Variants in NT5DC1 observed in about 807,000 individuals in gnomAD.
The protein encoded by NT5DC1 is 5'-nucleotidase domain-containing protein 1.
NT5DC1 carries 42 observed loss-of-function variants against 59.4 expected under a neutral mutation model. That is an observed-to-expected ratio of 0.71 (90% CI 0.55 to 0.92). NT5DC1 has a LOEUF of 0.92. Among genes scored for constraint, NT5DC1 ranks in the 40% least tolerant of loss-of-function variants. The probability of loss-of-function intolerance (pLI) is 0.00; values close to 1 mark genes in which losing one functional copy is unlikely to be tolerated. For missense variants in NT5DC1, 501 were observed against 537.1 expected, an observed-to-expected ratio of 0.93 and a Z score of 0.66; for synonymous variants, 172 against 188.1, an observed-to-expected ratio of 0.91 and a Z score of 0.70.
Position 116,196,446 on chromosome 6 carries a change from A to G in NT5DC1, c.530-24608A>G, listed in dbSNP as rs531709477. Among the ~76,000 whole-genome samples the G allele has an allele frequency of 7.2e-5, 11 of 152,186 alleles. No homozygotes were observed. The South Asian group carries it at 2.3e-3, about 32-fold the overall frequency. On this transcript the variant is annotated intron_variant, in intron 6 of 11. Coordinates refer to ENST00000319550, the MANE Select transcript of NT5DC1 (RefSeq NM_152729.3). Reference sequence around the variant, plus strand: ...TCTTTTCTAAATTTTTCCCCAAACTATAAATCAACCATTATTAGTGATTAG... The same window carrying G: ...TCTTTTCTAAATTTTTCCCCAAACTGTAAATCAACCATTATTAGTGATTAG...
intron 6 of NT5DC1, among the ~76,000 whole-genome samples, chr6:116,146,522 G>C (rs185686629): frequency 4.1e-4 from 63 of 152,212 alleles, no homozygotes; most frequent in African/African-American, 1.5e-3. Context: ...TGGAACTTTC[G>C]CCTTAACAAA....
At chr6:116,225,972 A>T (rs547194286) in intron 8 of NT5DC1, among the ~76,000 whole-genome samples, 56 of 152,314 alleles carry the variant, frequency 3.7e-4, no homozygotes, top group African/African-American at 1.3e-3. Context: ...AGCAGCCTAC[A>T]GCACACAGGA....
chr6:116,120,105 A>C, intron 6 of NT5DC1: 1 of 1,614,158 alleles, frequency 6.2e-7, no homozygotes, highest in Non-Finnish European at 8.5e-7. Context: ...CCTGAGAAAG[A>C]GGAGTGGACA....
At chr6:116,197,718 G>T (rs549368858) in intron 6 of NT5DC1, among the ~76,000 whole-genome samples, 22 of 152,022 alleles carry the variant, frequency 1.4e-4, no homozygotes, top group Non-Finnish European at 2.9e-4. Context: ...CTTGATAATG[G>T]TATTTATCTC....
At chr6:116,194,841 C>G (rs1781191929) in intron 6 of NT5DC1, among the ~76,000 whole-genome samples, 2 of 152,008 alleles carry the variant, frequency 1.3e-5, no homozygotes, top group African/African-American at 4.8e-5. Context: ...TTATAAGACA[C>G]TCTACATACT....
Position 116,104,579 on chromosome 6 carries a change from G to A in NT5DC1, c.94-1665G>A, listed in dbSNP as rs933671046. Among the ~76,000 whole-genome samples the A allele has an allele frequency of 3.9e-5, 6 of 152,314 alleles. No homozygotes were observed. In the South Asian group the frequency reaches 6.2e-4, roughly 16 times the overall value. On this transcript the variant is annotated intron_variant, in intron 1 of 11. Coordinates refer to ENST00000319550, the MANE Select transcript of NT5DC1 (RefSeq NM_152729.3). ...AGGCCATGGTGGGAATATTTACACCGTGGAGATGGGCAAGCGCTACCTGTC... is the reference window on the plus strand; with the variant it reads ...AGGCCATGGTGGGAATATTTACACCATGGAGATGGGCAAGCGCTACCTGTC...
intron 11 of NT5DC1, among the ~76,000 whole-genome samples, chr6:116,241,420 G>T (rs1230200516): frequency 6.6e-6 from 1 of 152,204 alleles, no homozygotes. Context: ...GCATATATAT[G>T]CCAGAGTGGG....
intron 11 of NT5DC1, among the ~76,000 whole-genome samples, chr6:116,241,264 A>G (rs1771710426): frequency 6.6e-6 from 1 of 152,238 alleles, no homozygotes; most frequent in South Asian, 2.1e-4. Flanking sequence ...AAAATAATTC[A>G]TGTCAGAAGA....
intron 6 of NT5DC1, chr6:116,120,722 G>C (rs777567387): frequency 6.3e-7 from 1 of 1,584,190 alleles, no homozygotes; most frequent in African/African-American, 1.4e-5. Flanking sequence ...ATCCCCTTTA[G>C]ACCCAGGGAA....
At chr6:116,225,727 C>T (rs895719440) in intron 8 of NT5DC1, among the ~76,000 whole-genome samples, 3 of 152,170 alleles carry the variant, frequency 2.0e-5, no homozygotes, top group Admixed American at 2.0e-4. Flanking sequence ...AGAATTTTAG[C>T]TCTAAAGGCA....
chr6:116,132,659 C>T (rs750761516), intron 6 of NT5DC1, among the ~76,000 whole-genome samples: 2 of 152,102 alleles, frequency 1.3e-5, no homozygotes, highest in Non-Finnish European at 2.9e-5. Flanking sequence ...AGTTACATTT[C>T]TGATGTGACA....
At chr6:116,105,648 T>G (rs1183589867) in intron 1 of NT5DC1, among the ~76,000 whole-genome samples, 1 of 152,218 alleles carries the variant, frequency 6.6e-6, no homozygotes, top group Non-Finnish European at 1.5e-5. Context: ...ATAAGATCTG[T>G]CAGCAATCAA....
chr6:116,120,984 C>T (rs1779102146), intron 6 of NT5DC1: 1 of 1,613,954 alleles, frequency 6.2e-7, no homozygotes, highest in Non-Finnish European at 8.5e-7. Context: ...GAACCCCTTT[C>T]ACCCTTAGCC....
rs767341879 is a variant in NT5DC1, at chr6:116,115,719, T to C, written c.393T>C (p.Phe131=). 2 of 1,604,376 alleles carry C rather than the reference T, an allele frequency of 1.2e-6. No homozygotes were observed. Among genetic ancestry groups the C allele is most frequent in the East Asian group, 4.5e-5 (2 of 44,782 alleles). The change falls in exon 5 of 12, where the codon TTT becomes TTC. Residue 131 remains phenylalanine (F), a synonymous_variant. Transcript: ENST00000319550. ...SGKYYFYDNY[F]DLPGALLCAR... ...AGTATTACTTTTACGACAACTACTT[T>C]GACCTGCCAGGAGCTCTTCTGTGTG...
chr6:116,118,810 A>C (rs1220250661), intron 6 of NT5DC1: 4 of 152,160 alleles, frequency 2.6e-5, no homozygotes, highest in Admixed American at 6.5e-5. Context: ...CTCAGATTGC[A>C]TGTGGTTTTG....
At chr6:116,114,959 A>T (rs1031798629) in intron 4 of NT5DC1, among the ~76,000 whole-genome samples, 3 of 152,208 alleles carry the variant, frequency 2.0e-5, no homozygotes, top group Non-Finnish European at 4.4e-5. Context: ...TGCTATTAGC[A>T]TAGCAGTGGC....
intron 6 of NT5DC1, among the ~76,000 whole-genome samples, chr6:116,209,730 A>T (rs1781535166): frequency 6.6e-6 from 1 of 151,926 alleles, no homozygotes; most frequent in African/African-American, 2.4e-5. Flanking sequence ...CTGAGTTTCC[A>T]GATAATAGCA....
chr6:116,214,718 C>A (rs1781656489), intron 6 of NT5DC1, among the ~76,000 whole-genome samples: 1 of 151,930 alleles, frequency 6.6e-6, no homozygotes, highest in Non-Finnish European at 1.5e-5. Flanking sequence ...ATTCAAAATG[C>A]AAAGACATTT....
intron 4 of NT5DC1, among the ~76,000 whole-genome samples, chr6:116,111,715 A>G (rs984286409): frequency 6.6e-6 from 1 of 152,014 alleles, no homozygotes; most frequent in African/African-American, 2.4e-5. Context: ...GCTTTGTTAT[A>G]TTTGCTATCT....
Sources: gnomAD v4.1 joint callset for allele counts (sites outside exome capture counted in the v4.1 genomes callset) on GRCh38, gnomAD v4.1.1 for gene constraint, MANE v1.5 for transcripts, NCBI Gene and HGNC (gene_info 2026-07-23, HGNC 2026-07-21) for gene names.